The following PDGFC variants were observed in gnomAD, a reference collection of about 807,000 sequenced individuals.
The protein encoded by PDGFC is platelet-derived growth factor C.
A neutral mutation model predicts 35.5 loss-of-function variants in PDGFC; 12 were observed. The observed-to-expected ratio is 0.34, with a 90% CI of 0.22 to 0.55. The LOEUF is 0.55. Ranked by LOEUF, PDGFC falls within the 20% of genes least tolerant of loss-of-function variation. PDGFC has a pLI of 0.91. For synonymous variants in PDGFC, 159 were observed against 148.8 expected, an observed-to-expected ratio of 1.07 and a Z score of -0.50; for missense variants, 322 against 412.4, an observed-to-expected ratio of 0.78 and a Z score of 1.90.
chr4:156,930,615 C>G (rs1446915479), intron 1 of PDGFC, among the ~76,000 whole-genome samples: 1 of 152,196 alleles, frequency 6.6e-6, no homozygotes, highest in Non-Finnish European at 1.5e-5. Context: ...CGCCTGTAAT[C>G]CCGGCACTTT....
At chr4:156,832,084 G>A (rs1728949439) in intron 2 of PDGFC, among the ~76,000 whole-genome samples, 1 of 151,494 alleles carries the variant, frequency 6.6e-6, no homozygotes, top group African/African-American at 2.4e-5. Context: ...CATTATTACT[G>A]GTCCTCATTA....
At chr4:156,811,229 A>G (rs542266955) in intron 2 of PDGFC, among the ~76,000 whole-genome samples, 1 of 152,146 alleles carries the variant, frequency 6.6e-6, no homozygotes, top group African/African-American at 2.4e-5. Flanking sequence ...TGGAGTCCTT[A>G]GTTTTTCTGT....
intron 1 of PDGFC, among the ~76,000 whole-genome samples, chr4:156,962,693 G>A (rs182966676): frequency 6.6e-6 from 1 of 152,202 alleles, no homozygotes; most frequent in African/African-American, 2.4e-5. Flanking sequence ...GTCCTGGCTT[G>A]GAGTCAGACC....
At chr4:156,815,740 C>T (rs2110960209) in intron 2 of PDGFC, among the ~76,000 whole-genome samples, 1 of 152,296 alleles carries the variant, frequency 6.6e-6, no homozygotes, top group South Asian at 2.1e-4. Context: ...GCTCTGGAGA[C>T]ATGGTAATCC....
rs151082417 is a variant in PDGFC at position 156,802,757 on chromosome 4, T to C, written c.495+8080A>G. 3.7e-3 allele frequency among the ~76,000 whole-genome samples: 559 copies of C among 152,258 alleles called. 2 individuals are homozygous for C. The highest frequency in any genetic ancestry group is 0.012 in the African/African-American group (515 of 41,558). Reference sequence around the variant, plus strand: ...AGAAACTGACTAAGCCAGCACGCAGTACAGTGAAGACAATAGTGGGCAAGC... The same window carrying C: ...AGAAACTGACTAAGCCAGCACGCAGCACAGTGAAGACAATAGTGGGCAAGC... On this transcript the variant is annotated intron_variant, in intron 3 of 5. Transcript: ENST00000502773.
chr4:156,845,729 T>C (rs1386902878), intron 2 of PDGFC, among the ~76,000 whole-genome samples: 1 of 151,920 alleles, frequency 6.6e-6, no homozygotes, highest in African/African-American at 2.4e-5. Context: ...CTTTGAATTG[T>C]TATTAAACTG....
chr4:156,809,476 G>A (rs1181963662), intron 3 of PDGFC, among the ~76,000 whole-genome samples: 1 of 151,968 alleles, frequency 6.6e-6, no homozygotes, highest in Non-Finnish European at 1.5e-5. Context: ...AGTGAATCCT[G>A]TATTAGTTAA....
chr4:156,948,290 G>C (rs1248222176), intron 1 of PDGFC, among the ~76,000 whole-genome samples: 2 of 150,514 alleles, frequency 1.3e-5, no homozygotes, highest in African/African-American at 4.9e-5. Context: ...TTTCTTCCCA[G>C]ACAAAACTCT....
chr4:156,778,528 T>C (rs1408518974), intron 3 of PDGFC, among the ~76,000 whole-genome samples: 3 of 152,336 alleles, frequency 2.0e-5, no homozygotes, highest in South Asian at 2.1e-4. Context: ...TGTTTTACTG[T>C]TTTGTATTTT....
chr4:156,780,125 T>TG (rs1730938601), intron 3 of PDGFC, among the ~76,000 whole-genome samples: 1 of 151,838 alleles, frequency 6.6e-6, no homozygotes, highest in East Asian at 1.9e-4. Flanking sequence ...TTTTTTTTTT[T>TG]TTTACTAAAA....
At chr4:156,940,053 T>C (rs571051508) in intron 1 of PDGFC, among the ~76,000 whole-genome samples, 2 of 152,108 alleles carry the variant, frequency 1.3e-5, no homozygotes, top group Non-Finnish European at 2.9e-5. Context: ...TTCAAGTAGA[T>C]TAGTCACATA....
chr4:156,805,632 C>G (rs1175190493), intron 3 of PDGFC, among the ~76,000 whole-genome samples: 1 of 151,924 alleles, frequency 6.6e-6, no homozygotes, highest in Admixed American at 6.6e-5. Flanking sequence ...ATATTTGAAG[C>G]CTTGTTTGAG....
At chr4:156,857,079 T>G (rs1017627317) in intron 1 of PDGFC, among the ~76,000 whole-genome samples, 12 of 116,426 alleles carry the variant, frequency 1.0e-4, no homozygotes, top group African/African-American at 3.7e-4. Flanking sequence ...TATCTGAGGG[T>G]TTTTTTTTTT....
intron 3 of PDGFC, chr4:156,774,516 ACCTTTCCTCTGG>A (rs1730770929): frequency 6.6e-6 from 1 of 152,116 alleles, no homozygotes; most frequent in South Asian, 2.1e-4. Context: ...GAAAAGGAGC[ACCTTTCCTCTGG>A]ACAGGCACAA....
chr4:156,951,808 T>G (rs545716908), intron 1 of PDGFC, among the ~76,000 whole-genome samples: 7 of 151,434 alleles, frequency 4.6e-5, no homozygotes, highest in Non-Finnish European at 8.9e-5. Flanking sequence ...AAGTCTTTCC[T>G]AAACTCACAG....
chr4:156,935,430 T>C (rs549480917), intron 1 of PDGFC, among the ~76,000 whole-genome samples: 1 of 152,348 alleles, frequency 6.6e-6, no homozygotes, highest in African/African-American at 2.4e-5. Context: ...TGTTATGTCC[T>C]ACACTTTTAC....
chr4:156,793,366 T>G (rs1456456848), intron 3 of PDGFC, among the ~76,000 whole-genome samples: 3 of 151,802 alleles, frequency 2.0e-5, no homozygotes, highest in African/African-American at 7.2e-5. Context: ...CTCTTTCATG[T>G]ACAAATGATA....
At chr4:156,875,815 A>C (rs945159430) in intron 1 of PDGFC, among the ~76,000 whole-genome samples, 1 of 152,234 alleles carries the variant, frequency 6.6e-6, no homozygotes, top group Non-Finnish European at 1.5e-5. Flanking sequence ...CCTGGGAGGC[A>C]GAGGCTGCAG....
At chr4:156,932,098 G>A (rs568024568) in intron 1 of PDGFC, among the ~76,000 whole-genome samples, 1 of 152,180 alleles carries the variant, frequency 6.6e-6, no homozygotes, top group East Asian at 1.9e-4. Context: ...CTATTATTAA[G>A]AACATTTAAT....
Sources: allele counts gnomAD v4.1 joint callset (sites outside exome capture counted in the v4.1 genomes callset), GRCh38; gene constraint gnomAD v4.1.1; transcripts MANE v1.5; gene names NCBI Gene and HGNC (gene_info 2026-07-23, HGNC 2026-07-21).